EFR3B: variants seen among roughly 807,000 people sequenced by gnomAD.
EFR3B encodes EFR3 homolog B.
EFR3B carries 64 observed loss-of-function variants against 104.7 expected under a neutral mutation model. That is an observed-to-expected ratio of 0.61 (90% CI 0.50 to 0.75). EFR3B has a LOEUF of 0.75. EFR3B is among the 30% of genes least tolerant of loss of function. The pLI is 0.00. For synonymous variants in EFR3B, 385 were observed against 417.9 expected (o/e 0.92, Z 0.96); for missense variants, 750 against 1,078.5 (o/e 0.70, Z 4.27).
intron 1 of EFR3B, among the ~76,000 whole-genome samples, chr2:25,060,611 G>C (rs1477706101): frequency 6.6e-6 from 1 of 151,966 alleles, no homozygotes; most frequent in African/African-American, 2.4e-5. Context: ...CTTGGAGAGG[G>C]GGTGATATAA....
In EFR3B at chr2:25,135,486, G is replaced by A; in HGVS notation, c.1331G>A (p.Cys444Tyr). The A allele has an allele frequency of 6.4e-7, 1 of 1,551,714 alleles. No individual in the cohort carries two copies. Among genetic ancestry groups the A allele is most frequent in the Non-Finnish European group, 8.7e-7 (1 of 1,147,002 alleles). Reference sequence around the variant, plus strand: ...TTGCAGGTATCCACAGGTTTCCAGTGCAACAACATGATGTCAGCCCTGCCT... The same window carrying A: ...TTGCAGGTATCCACAGGTTTCCAGTACAACAACATGATGTCAGCCCTGCCT... ...SLLQVSTGFQ[C>Y]NNMMSALPSN... The change falls in exon 13 of 23, where the codon TGC becomes TAC. Residue 444 changes from cysteine to tyrosine, a missense_variant. Transcript: ENST00000403714.
At position 25,131,710 on chromosome 2, in the gene EFR3B, C is replaced by T. The variant is rs1384254219; in HGVS notation, c.986-40C>T. Reference sequence around the variant, plus strand: ...GCGCGGTGCACAGAGGAGGAGGGTGCCAGCCTTGGATCTCGGGTGTCCCGC... The same window carrying T: ...GCGCGGTGCACAGAGGAGGAGGGTGTCAGCCTTGGATCTCGGGTGTCCCGC... On this transcript the variant is annotated intron_variant, in intron 9 of 22. Coordinates refer to ENST00000403714, the MANE Select transcript of EFR3B (RefSeq NM_014971.2). This position sits in a 1 kb window ranked among gnomAD's most constrained non-coding sequence, Gnocchi z 7.6. 30 of 1,484,112 alleles carry T rather than the reference C, an allele frequency of 2.0e-5. No individual in the cohort carries two copies. The highest frequency in any genetic ancestry group is 2.7e-5 in the Non-Finnish European group (30 of 1,111,124). 91.9% of individuals were successfully genotyped at this position (1,484,112 alleles called of 1,614,324 possible). A position where few individuals can be genotyped will look rare whatever the true frequency, so the allele number is the denominator to read the frequency against.
At chr2:25,059,572 C>CGGGG (rs56219617) in intron 1 of EFR3B, among the ~76,000 whole-genome samples, 1 of 60,242 alleles carries the variant, frequency 1.7e-5, no homozygotes, top group African/African-American at 6.5e-5. Flanking sequence ...CCAGGGACTG[C>CGGGG]GGGGGGGGGG....
At chr2:25,152,947 C>T (rs982079093) in intron 21 of EFR3B, among the ~76,000 whole-genome samples, 4 of 152,212 alleles carry the variant, frequency 2.6e-5, no homozygotes, top group South Asian at 2.1e-4. Context: ...GGCCCAGTCA[C>T]GGAACACGTG....
intron 1 of EFR3B, among the ~76,000 whole-genome samples, chr2:25,043,943 G>A (rs546194479): frequency 3.9e-5 from 6 of 152,122 alleles, no homozygotes; most frequent in Non-Finnish European, 8.8e-5. Context: ...ATTGCATTTA[G>A]TCCAAGATAA....
At chr2:25,096,288 A>G (rs2149187389) in intron 3 of EFR3B, among the ~76,000 whole-genome samples, 1 of 152,264 alleles carries the variant, frequency 6.6e-6, no homozygotes, top group Middle Eastern at 3.4e-3. Flanking sequence ...TGCTGGGATT[A>G]CAGGCGGGAG....
chr2:25,129,858 C>A (rs1670280427), intron 6 of EFR3B, 117 bp from the exon 7 acceptor site: 3 of 1,390,154 alleles, frequency 2.2e-6, no homozygotes, highest in African/African-American at 1.4e-5. Context: ...TTGCCTAGTG[C>A]AACCCATGTC....
At chr2:25,057,510 G>A (rs1668056082) in intron 1 of EFR3B, among the ~76,000 whole-genome samples, 3 of 152,142 alleles carry the variant, frequency 2.0e-5, no homozygotes, top group Admixed American at 6.5e-5. Flanking sequence ...GGCTGAGCAC[G>A]GTGGCTCACG....
intron 3 of EFR3B, among the ~76,000 whole-genome samples, chr2:25,101,712 G>T (rs1011716466): frequency 6.6e-6 from 1 of 152,094 alleles, no homozygotes; most frequent in South Asian, 2.1e-4. Flanking sequence ...AGAGAGACTG[G>T]GAAATGGAGT....
intron 1 of EFR3B, chr2:25,080,024 A>T: frequency 2.2e-6 from 2 of 897,548 alleles, no homozygotes; most frequent in Non-Finnish European, 3.8e-6. Context: ...TTTTAAGCCC[A>T]CTGTCTGCTC....
chr2:25,122,938 A>C (rs1203083977), intron 5 of EFR3B, among the ~76,000 whole-genome samples: 1 of 152,210 alleles, frequency 6.6e-6, no homozygotes, highest in East Asian at 1.9e-4. Flanking sequence ...GAATAACAGA[A>C]TGAATGAACA....
At position 25,136,340 on chromosome 2, in the gene EFR3B, GAGAT is replaced by G. The variant is rs1474992024; in HGVS notation, c.1485-181_1485-178del. On this transcript the variant is annotated intron_variant, in intron 13 of 22. Coordinates refer to ENST00000403714, the MANE Select transcript of EFR3B (RefSeq NM_014971.2). The surrounding 1 kb of genome is among the most constrained non-coding windows in gnomAD (Gnocchi z 4.0). The stretch of plus-strand genomic sequence containing the variant: ...TGTCTCAAAAAGGAAAAAAGAGAGA[GAGAT>G]AAAGGGACAAATTCTTGAGAACTTG... Among the ~76,000 whole-genome samples, 16 of 152,264 alleles carry G rather than the reference GAGAT, an allele frequency of 1.1e-4. No individual in the cohort carries two copies. The highest frequency in any genetic ancestry group is 2.0e-4 in the Admixed American group (3 of 15,284).
chr2:25,070,542 C>T (rs1428943910), intron 1 of EFR3B, among the ~76,000 whole-genome samples: 5 of 152,156 alleles, frequency 3.3e-5, no homozygotes, highest in African/African-American at 1.2e-4. Context: ...GGATTACAGG[C>T]GTGAGCCACC....
In EFR3B at chr2:25,136,666, CTT is replaced by C; in HGVS notation, c.1560+70_1560+71del. 1 of 1,373,578 alleles carries C rather than the reference CTT, an allele frequency of 7.3e-7. No homozygotes were observed. The highest frequency in any genetic ancestry group is 1.0e-6 in the Non-Finnish European group (1 of 989,232). The allele number at this position is 1,373,578 out of a possible 1,614,324, so 85.1% of individuals were successfully genotyped here. On this transcript the variant is annotated intron_variant, in intron 14 of 22. Coordinates refer to ENST00000403714, the MANE Select transcript of EFR3B (RefSeq NM_014971.2). The surrounding 1 kb of genome is among the most constrained non-coding windows in gnomAD (Gnocchi z 4.0). ...GTGGCTCACGCCTGCAATCCCAGCA[CTT>C]TGGGAGGCTGAGGCGGGCGGATAGA...
intron 1 of EFR3B, among the ~76,000 whole-genome samples, chr2:25,055,272 TC>T (rs1224306826): frequency 6.6e-6 from 1 of 152,242 alleles, no homozygotes; most frequent in African/African-American, 2.4e-5. Flanking sequence ...ACAGCAAATT[TC>T]ACTATTAAAG....
chr2:25,060,124 A>T (rs1413578979), intron 1 of EFR3B, among the ~76,000 whole-genome samples: 1 of 152,160 alleles, frequency 6.6e-6, no homozygotes, highest in Non-Finnish European at 1.5e-5. Flanking sequence ...TGAACCTGGG[A>T]GGCGGAGGTT....
At chr2:25,129,194 TCA>T (rs1212065868) in intron 6 of EFR3B, among the ~76,000 whole-genome samples, 3 of 151,676 alleles carry the variant, frequency 2.0e-5, no homozygotes, top group African/African-American at 7.3e-5. Flanking sequence ...CCCTGCACCC[TCA>T]TTTTTCCCCT....
chr2:25,076,592 A>G (rs1022528326), intron 1 of EFR3B, among the ~76,000 whole-genome samples: 3 of 152,174 alleles, frequency 2.0e-5, no homozygotes, highest in African/African-American at 7.2e-5. Flanking sequence ...GGTTGGGATA[A>G]AATTTTCCTG....
chr2:25,065,292 C>T (rs976098884), intron 1 of EFR3B, among the ~76,000 whole-genome samples: 18 of 151,994 alleles, frequency 1.2e-4, no homozygotes, highest in Non-Finnish European at 1.9e-4. Flanking sequence ...GTGATCCTCC[C>T]TCTTCAGCCT....
Sources: gnomAD v4.1 joint callset for allele counts (sites outside exome capture counted in the v4.1 genomes callset) on GRCh38, gnomAD v4.1.1 for gene constraint, Gnocchi (gnomAD v3.1) non-coding constraint, MANE v1.5 for transcripts, NCBI Gene and HGNC (gene_info 2026-07-23, HGNC 2026-07-21) for gene names.